The following GABRG3 variants were observed in gnomAD, a reference collection of about 807,000 sequenced individuals.
The protein encoded by GABRG3 is gamma-aminobutyric acid receptor subunit gamma-3.
A neutral mutation model predicts 48.8 loss-of-function variants in GABRG3; 25 were observed. That is an observed-to-expected ratio of 0.51 (90% CI 0.37 to 0.72). The LOEUF is 0.72. Among genes scored for constraint, GABRG3 ranks in the 30% least tolerant of loss-of-function variants. The probability of loss-of-function intolerance (pLI) is 0.00; values close to 1 mark genes in which losing one functional copy is unlikely to be tolerated. For missense variants in GABRG3, 394 were observed against 577.9 expected (o/e 0.68, Z 3.26); for synonymous variants, 227 against 217.6 (o/e 1.04, Z -0.38).
chr15:27,329,871 G>A (rs1405354605), intron 5 of GABRG3, among the ~76,000 whole-genome samples: 1 of 151,982 alleles, frequency 6.6e-6, no homozygotes, highest in Admixed American at 6.6e-5. Flanking sequence ...TTTACAATGG[G>A]GCATTTTAAA....
intron 5 of GABRG3, among the ~76,000 whole-genome samples, chr15:27,434,753 G>T (rs1218934189): frequency 6.6e-6 from 1 of 152,204 alleles, no homozygotes; most frequent in Non-Finnish European, 1.5e-5. Flanking sequence ...TAGGCAGGGA[G>T]TGGAAGGAGC....
chr15:27,002,759 A>AT (rs1453011518), intron 2 of GABRG3, among the ~76,000 whole-genome samples: 1 of 144,900 alleles, frequency 6.9e-6, no homozygotes, highest in Non-Finnish European at 1.5e-5. Context: ...AAAAAAAAAA[A>AT]AAAAGGAAGG....
chr15:27,110,551 A>G lies in GABRG3; in HGVS notation c.270+83730A>G, dbSNP rs780793256. Among the ~76,000 whole-genome samples, 144 of 151,284 alleles carry G rather than the reference A, an allele frequency of 9.5e-4. 2 individuals are homozygous for G. Among genetic ancestry groups the G allele is most frequent in the Non-Finnish European group, 1.7e-3 (117 of 67,934 alleles). On this transcript the variant is annotated intron_variant, in intron 3 of 9. Transcript: ENST00000615808. ...TTTTTTTTTTTAACATATTTTTTGT[A>G]GAGCAGGTATGCTGACAACAAATTC... is the stretch of plus-strand genomic sequence containing the variant.
At chr15:27,460,418 G>A (rs1889413958) in intron 5 of GABRG3, among the ~76,000 whole-genome samples, 1 of 152,202 alleles carries the variant, frequency 6.6e-6, no homozygotes, top group African/African-American at 2.4e-5. Context: ...GGAGAAAGGA[G>A]GGTGTTTATT....
rs375572620 is a variant in GABRG3 at position 27,001,270 on chromosome 15, A to G, written c.202+24120A>G. 5.9e-5 allele frequency among the ~76,000 whole-genome samples: 9 copies of G among 152,370 alleles called. 1 individual carries two copies. In the East Asian group the frequency reaches 1.5e-3, roughly 26 times the overall value. On this transcript the variant is annotated intron_variant, in intron 2 of 9. Transcript: ENST00000615808. The stretch of plus-strand genomic sequence containing the variant: ...GTTCCAGTTACTTCACCTTGAATGT[A>G]GAGCAGAAGTGTTCTTCCTTCTGGC...
chr15:27,093,213 G>A (rs1458996169), intron 3 of GABRG3, among the ~76,000 whole-genome samples: 1 of 152,140 alleles, frequency 6.6e-6, no homozygotes, highest in Non-Finnish European at 1.5e-5. Context: ...GGCCAGGTTG[G>A]TGAGGTGGAG....
rs1895021967 is a variant in GABRG3, at chr15:26,979,948, T to G, written c.202+2798T>G. On this transcript the variant is annotated intron_variant, in intron 2 of 9. Coordinates refer to ENST00000615808, the MANE Select transcript of GABRG3 (RefSeq NM_033223.5). ...ATTCTTTAAATGTTTGATAGAATTC[T>G]CCAGTGATACCCTCTGGGCCAGGAG... Among the ~76,000 whole-genome samples the G allele has an allele frequency of 2.0e-5, 3 of 152,340 alleles. No homozygotes were observed. The South Asian group carries it at 6.2e-4, about 32-fold the overall frequency.
At chr15:27,102,645 G>A (rs1897381027) in intron 3 of GABRG3, among the ~76,000 whole-genome samples, 2 of 152,144 alleles carry the variant, frequency 1.3e-5, no homozygotes, top group African/African-American at 4.8e-5. Context: ...CTATAAACAA[G>A]TTACTTTCTT....
At chr15:27,255,213 GGGAGCAGGAGCCTGT>G (rs1890575675) in intron 3 of GABRG3, among the ~76,000 whole-genome samples, 1 of 152,146 alleles carries the variant, frequency 6.6e-6, no homozygotes, top group Non-Finnish European at 1.5e-5. Context: ...CTGGGGTGGC[GGGAGCAGGAGCCTGT>G]GGATCCACCC....
chr15:27,188,673 G>A (rs1240609921), intron 3 of GABRG3, among the ~76,000 whole-genome samples: 12 of 150,466 alleles, frequency 8.0e-5, no homozygotes, highest in African/African-American at 2.7e-4. Flanking sequence ...CCCATTTTGT[G>A]GGTTGCCTGT....
At chr15:27,370,605 C>G (rs1895377471) in intron 5 of GABRG3, among the ~76,000 whole-genome samples, 1 of 152,168 alleles carries the variant, frequency 6.6e-6, no homozygotes, top group Middle Eastern at 3.2e-3. Context: ...TCTCAGGAGA[C>G]CACCTCAGAG....
chr15:27,102,199 G>A (rs1226797845), intron 3 of GABRG3, among the ~76,000 whole-genome samples: 1 of 152,210 alleles, frequency 6.6e-6, no homozygotes, highest in Non-Finnish European at 1.5e-5. Flanking sequence ...AATGTTAGGA[G>A]CTGGGAGAGC....
intron 3 of GABRG3, among the ~76,000 whole-genome samples, chr15:27,077,958 G>T (rs1316553981): frequency 6.6e-6 from 1 of 152,166 alleles, no homozygotes. Flanking sequence ...GGGGTTTGGG[G>T]GAGGTGGCTT....
intron 3 of GABRG3, among the ~76,000 whole-genome samples, chr15:27,214,535 T>TA (rs35801181): frequency 0.53 from 80,686 of 151,922 alleles, 21,620 homozygotes; most frequent in East Asian, 0.66. Flanking sequence ...ATCTTGTTAT[T>TA]AAAAAAAATT....
chr15:27,013,516 CT>C (rs980618468), intron 2 of GABRG3, among the ~76,000 whole-genome samples: 1 of 151,982 alleles, frequency 6.6e-6, no homozygotes, highest in Admixed American at 6.6e-5. Context: ...CATATTTAGG[CT>C]TTTGATCCAT....
intron 2 of GABRG3, among the ~76,000 whole-genome samples, chr15:27,009,064 C>T (rs371567939): frequency 2.0e-5 from 3 of 152,166 alleles, no homozygotes; most frequent in Non-Finnish European, 4.4e-5. Flanking sequence ...CTAGGCTGAG[C>T]TCAGACTCTG....
chr15:27,420,045 A>G (rs1298047072), intron 5 of GABRG3, among the ~76,000 whole-genome samples: 1 of 152,252 alleles, frequency 6.6e-6, no homozygotes, highest in Non-Finnish European at 1.5e-5. Flanking sequence ...TGTGAAGAAC[A>G]CCAAGGGTTG....
intron 3 of GABRG3, among the ~76,000 whole-genome samples, chr15:27,313,713 AT>A (rs990687976): frequency 1.5e-4 from 23 of 152,262 alleles, no homozygotes; most frequent in Admixed American, 1.1e-3. Context: ...AAAATGAATA[AT>A]TTTGAACAAG....
chr15:27,513,728 C>A (rs2150859430), intron 6 of GABRG3, among the ~76,000 whole-genome samples: 1 of 152,252 alleles, frequency 6.6e-6, no homozygotes, highest in East Asian at 1.9e-4. Flanking sequence ...AGACGTGAAT[C>A]TGCCAACCAG....
Sources: gnomAD v4.1 joint callset for allele counts (sites outside exome capture counted in the v4.1 genomes callset) on GRCh38, gnomAD v4.1.1 for gene constraint, MANE v1.5 for transcripts, NCBI Gene and HGNC (gene_info 2026-07-23, HGNC 2026-07-21) for gene names.